CUX2: variants seen among roughly 807,000 people sequenced by gnomAD.
The protein encoded by CUX2 is homeobox protein cut-like 2.
A neutral mutation model predicts 144.8 loss-of-function variants in CUX2; 40 were observed. The ratio of observed to expected loss-of-function variants is 0.28; its 90% CI spans 0.21 to 0.36. CUX2 has a LOEUF of 0.36. Among genes scored for constraint, CUX2 ranks in the 10% least tolerant of loss-of-function variants. The pLI is 1.00. For missense variants in CUX2, 1,615 were observed against 1,994.0 expected, an observed-to-expected ratio of 0.81 and a Z score of 3.62; for synonymous variants, 827 against 875.6, an observed-to-expected ratio of 0.94 and a Z score of 0.98.
chr12:111,100,861 G>A (rs1873186625), intron 1 of CUX2, among the ~76,000 whole-genome samples: 1 of 152,142 alleles, frequency 6.6e-6, no homozygotes, highest in Non-Finnish European at 1.5e-5. Flanking sequence ...TCTTGCATGG[G>A]GGAGCCCCCA....
chr12:111,208,577 T>A (rs1044649322), intron 1 of CUX2, among the ~76,000 whole-genome samples: 3 of 152,188 alleles, frequency 2.0e-5, no homozygotes, highest in African/African-American at 7.2e-5. Context: ...CTATGTGTGA[T>A]GTGGGTGGGT....
Position 111,233,085 on chromosome 12 carries a change from G to A in CUX2, c.222+15148G>A, listed in dbSNP as rs1052273491. 3.9e-5 allele frequency among the ~76,000 whole-genome samples: 6 copies of A among 152,292 alleles called. No individual in the cohort carries two copies. The East Asian group carries it at 1.2e-3, about 29-fold the overall frequency. On this transcript the variant is annotated intron_variant, in intron 3 of 21. Coordinates refer to ENST00000261726, the MANE Select transcript of CUX2 (RefSeq NM_015267.4). ...ATTCTAGTCACAGGAAGAGAGGAACGGCATGCCAGGTAAAAGGAATAGCAG... is the reference window on the plus strand; with the variant it reads ...ATTCTAGTCACAGGAAGAGAGGAACAGCATGCCAGGTAAAAGGAATAGCAG...
intron 1 of CUX2, among the ~76,000 whole-genome samples, chr12:111,187,261 G>A (rs891695805): frequency 3.9e-5 from 6 of 152,184 alleles, no homozygotes; most frequent in African/African-American, 1.4e-4. Flanking sequence ...GCCGGCATCA[G>A]GACCCATCCT....
chr12:111,084,153 A>G (rs961785117), intron 1 of CUX2, among the ~76,000 whole-genome samples: 1 of 152,204 alleles, frequency 6.6e-6, no homozygotes, highest in Non-Finnish European at 1.5e-5. Flanking sequence ...ACTCCTTACA[A>G]ATAAATATGA....
intron 1 of CUX2, among the ~76,000 whole-genome samples, chr12:111,125,601 A>T (rs1875007546): frequency 6.6e-6 from 1 of 152,228 alleles, no homozygotes; most frequent in Non-Finnish European, 1.5e-5. Flanking sequence ...GCTGCATAAC[A>T]TTCCATTGCC....
intron 1 of CUX2, among the ~76,000 whole-genome samples, chr12:111,188,937 G>A (rs540576039): frequency 2.0e-5 from 3 of 152,202 alleles, no homozygotes; most frequent in African/African-American, 7.2e-5. Flanking sequence ...AGTATTTTGG[G>A]CAGAAGGAAA....
rs1222443330 is a variant in CUX2, at chr12:111,289,443, G to A, written c.302-1975G>A. On this transcript the variant is annotated intron_variant, in intron 4 of 21. Transcript: ENST00000261726. The surrounding 1 kb of genome is among the most constrained non-coding windows in gnomAD (Gnocchi z 4.1). ...GGATCCAAGCCAGCCTCCAGGGGAT[G>A]CCGTGAGGATGCTGGGAAGCCAGTC... Among the ~76,000 whole-genome samples the A allele has an allele frequency of 2.6e-5, 4 of 152,168 alleles. No homozygotes were observed. The highest frequency in any genetic ancestry group is 4.8e-5 in the African/African-American group (2 of 41,450).
chr12:111,170,867 C>T (rs558744756), intron 1 of CUX2, among the ~76,000 whole-genome samples: 64 of 152,034 alleles, frequency 4.2e-4, no homozygotes, highest in Admixed American at 1.3e-3. Context: ...GTAGGAAGGC[C>T]GAGGTGGAGG....
intron 3 of CUX2, among the ~76,000 whole-genome samples, chr12:111,228,352 C>A (rs142646081): frequency 1.3e-4 from 20 of 152,248 alleles, no homozygotes; most frequent in African/African-American, 4.1e-4. Context: ...CCATGCAAGT[C>A]CCCCTGCATA....
At chr12:111,217,867 C>T (rs1479142909) in intron 2 of CUX2, 23 bp from the exon 3 acceptor site, 3 of 1,613,956 alleles carry the variant, frequency 1.9e-6, no homozygotes, top group Admixed American at 1.7e-5. Context: ...CTGTAGTGAA[C>T]TCTTTGCTGA....
intron 1 of CUX2, among the ~76,000 whole-genome samples, chr12:111,048,571 AGCTGGT>A (rs1235767292): frequency 9.2e-5 from 14 of 152,032 alleles, no homozygotes; most frequent in South Asian, 8.3e-4. Context: ...CTGGACATAG[AGCTGGT>A]GCAAGGAGGG....
Position 111,039,602 on chromosome 12 carries a change from A to C in CUX2, c.63+5362A>C, listed in dbSNP as rs1263666570. ...CGCTCTGCCACCCAGGCTGGAGTGCAGTGGTGCAATCTCAGCTCACTGCAA... is the reference window on the plus strand; with the variant it reads ...CGCTCTGCCACCCAGGCTGGAGTGCCGTGGTGCAATCTCAGCTCACTGCAA... On this transcript the variant is annotated intron_variant, in intron 1 of 21. Transcript: ENST00000261726. This position sits in a 1 kb window ranked among gnomAD's most constrained non-coding sequence, Gnocchi z 4.2. 2.6e-5 allele frequency among the ~76,000 whole-genome samples: 4 copies of C among 152,146 alleles called. No individual in the cohort carries two copies. The highest frequency in any genetic ancestry group is 5.9e-5 in the Non-Finnish European group (4 of 68,026).
Position 111,037,506 on chromosome 12 carries a change from G to C in CUX2, c.63+3266G>C, listed in dbSNP as rs1869519891. 6.6e-6 allele frequency among the ~76,000 whole-genome samples: 1 copy of C among 152,198 alleles called. No homozygotes were observed. The highest frequency in any genetic ancestry group is 1.9e-4 in the East Asian group (1 of 5,198). ...TCAACAACCTTAATGACTTTGGGCC[G>C]ATGGTAAAGGTGATCTGACATGTGC... On this transcript the variant is annotated intron_variant, in intron 1 of 21. Transcript: ENST00000261726. This position sits in a 1 kb window ranked among gnomAD's most constrained non-coding sequence, Gnocchi z 5.4.
intron 4 of CUX2, among the ~76,000 whole-genome samples, chr12:111,284,478 T>C (rs1177761405): frequency 6.6e-6 from 1 of 152,186 alleles, no homozygotes. Context: ...CTGGCCTCCC[T>C]GGGAATCAGC....
chr12:111,338,605 T>C (rs1888454236), intron 20 of CUX2, 131 bp downstream of exon 20: 2 of 758,312 alleles, frequency 2.6e-6, no homozygotes, highest in African/African-American at 1.7e-5. Context: ...CTGCATGAAA[T>C]AGCAACCTTG....
chr12:111,285,411 T>C (rs1885329431), intron 4 of CUX2, among the ~76,000 whole-genome samples: 1 of 152,170 alleles, frequency 6.6e-6, no homozygotes, highest in African/African-American at 2.4e-5. Context: ...AGCTCCATTG[T>C]ATCTAAGAGA....
At chr12:111,172,155 CTGTG>C (rs1278507901) in intron 1 of CUX2, among the ~76,000 whole-genome samples, 2 of 151,760 alleles carry the variant, frequency 1.3e-5, no homozygotes, top group African/African-American at 4.8e-5. Context: ...GCATGTGCCT[CTGTG>C]TGTGTGTTTG....
chr12:111,293,502 C>G lies in CUX2; in HGVS notation c.493C>G (p.Pro165Ala). Residue 165 changes from proline (P) to alanine (A), a missense_variant, in exon 6 of 22, where the codon CCA becomes GCA. Physicochemically the swap from Pro to Ala is conservative, Grantham distance 27. Transcript: ENST00000261726. This position sits in a 1 kb window ranked among gnomAD's most constrained non-coding sequence, Gnocchi z 4.5. ...CACGCTGACCGAGGGAAGCCGCCTC[C>G]CAGGCATTCCCGGGAAAGCCCTCCT... ...GPTLTEGSRLPGIPGKALLTE... is the reference protein window; with the variant it reads ...GPTLTEGSRLAGIPGKALLTE... 6.2e-7 allele frequency: 1 copy of G among 1,606,950 alleles called. No individual in the cohort carries two copies. The highest frequency in any genetic ancestry group is 8.5e-7 in the Non-Finnish European group (1 of 1,178,018).
At chr12:111,075,210 C>T (rs973078539) in intron 1 of CUX2, among the ~76,000 whole-genome samples, 4 of 152,110 alleles carry the variant, frequency 2.6e-5, no homozygotes, top group African/African-American at 4.8e-5. Flanking sequence ...CCCCTGGAGC[C>T]GTCAGACCGC....
Sources: gnomAD v4.1 joint callset for allele counts (sites outside exome capture counted in the v4.1 genomes callset) on GRCh38, gnomAD v4.1.1 for gene constraint, Gnocchi (gnomAD v3.1) non-coding constraint, MANE v1.5 for transcripts, NCBI Gene and HGNC (gene_info 2026-07-23, HGNC 2026-07-21) for gene names.